The following SEMA4A variants were observed in gnomAD, a reference collection of about 807,000 sequenced individuals.
SEMA4A encodes the protein semaphorin 4A.
In SEMA4A, 52 loss-of-function variants were observed where a neutral mutation model predicts 72.5. That is an observed-to-expected ratio of 0.72 (90% confidence interval 0.57 to 0.90). The LOEUF is 0.90. Among genes scored for constraint, SEMA4A ranks in the 40% least tolerant of loss-of-function variants. SEMA4A has a pLI of 0.00. For synonymous variants in SEMA4A, 369 were observed against 393.1 expected (o/e 0.94, Z 0.73); for missense variants, 926 against 959.7 (o/e 0.96, Z 0.46).
Position 156,158,958 on chromosome 1 carries a change from T to C in SEMA4A, c.568+134T>C, listed in dbSNP as rs1231476562. 5 of 782,354 alleles carry C rather than the reference T, an allele frequency of 6.4e-6. No homozygotes were observed. The East Asian group carries it at 1.3e-4, about 21-fold the overall frequency. The allele number at this position is 782,354 out of a possible 1,614,324, so 48.5% of individuals were successfully genotyped here. On this transcript the variant is annotated intron_variant, in intron 6 of 14. Coordinates refer to ENST00000368285, the MANE Select transcript of SEMA4A (RefSeq NM_022367.4). ...GATGCGTGCATATGGTCCCAGTTAT[T>C]TGGAAGCTGAAGTTGAAGGATGCTT...
chr1:156,153,499 C>G (rs879542478), upstream of SEMA4A: 1 of 152,142 alleles, frequency 6.6e-6, no homozygotes, highest in Non-Finnish European at 1.5e-5. Flanking sequence ...CTTTTTATTC[C>G]CTCCCAATCC....
Position 156,161,681 on chromosome 1 carries a change from C to T in SEMA4A, c.983+163C>T, listed in dbSNP as rs149267221. The T allele has an allele frequency of 8.6e-4, 571 of 663,870 alleles. 5 individuals carry two copies. The African/African-American group carries it at 9.4e-3, about 11-fold the overall frequency. 41.1% of individuals were successfully genotyped at this position (663,870 alleles called of 1,614,324 possible). On this transcript the variant is annotated intron_variant, in intron 9 of 14. Transcript: ENST00000368285. ...CCACCTCTCAGGAATTTGACTCATG[C>T]CCTTTTTGTAAATGGGAAAAATAAG...
intron 10 of SEMA4A, among the ~76,000 whole-genome samples, chr1:156,169,854 G>A (rs1448072444): frequency 1.3e-5 from 2 of 151,430 alleles, no homozygotes; most frequent in Non-Finnish European, 2.9e-5. Flanking sequence ...GTGAAACCCC[G>A]TCTCTACTAA....
chr1:156,149,753 G>C (rs1210346718), upstream of SEMA4A: 1 of 152,316 alleles, frequency 6.6e-6, no homozygotes, highest in African/African-American at 2.4e-5. Context: ...CATGTGCACG[G>C]TGGTGCCTGC....
At position 156,157,145 on chromosome 1, in the gene SEMA4A, A is replaced by C. The variant is rs1653116191; in HGVS notation, c.300+571A>C. 6.6e-6 allele frequency among the ~76,000 whole-genome samples: 1 copy of C among 152,104 alleles called. No individual in the cohort carries two copies. Among genetic ancestry groups the C allele is most frequent in the South Asian group, 2.1e-4 (1 of 4,828 alleles). On this transcript the variant is annotated intron_variant, in intron 3 of 14. Coordinates refer to ENST00000368285, the MANE Select transcript of SEMA4A (RefSeq NM_022367.4). The surrounding 1 kb of genome is among the most constrained non-coding windows in gnomAD (Gnocchi z 4.5). ...GATAAACACTGACTCAAATTATATC[A>C]ATAATTTGATATCTACCCACTAGTA...
chr1:156,156,622 CCGGCAG>C, intron 3 of SEMA4A, 48 bp downstream of exon 3: 1 of 1,598,130 alleles, frequency 6.3e-7, no homozygotes, highest in Middle Eastern at 2.0e-4. Flanking sequence ...GAAGAGGGGG[CCGGCAG>C]CTACCCTGGG....
rs1447094477 is a variant in SEMA4A, at chr1:156,157,025, C to T, written c.300+451C>T. 6.6e-6 allele frequency among the ~76,000 whole-genome samples: 1 copy of T among 152,090 alleles called. No individual in the cohort carries two copies. Among genetic ancestry groups the T allele is most frequent in the African/African-American group, 2.4e-5 (1 of 41,416 alleles). On this transcript the variant is annotated intron_variant, in intron 3 of 14. Transcript: ENST00000368285. This position sits in a 1 kb window ranked among gnomAD's most constrained non-coding sequence, Gnocchi z 4.5. ...GGGATTACAGGCGTGAGCCACCGCA[C>T]CCGGCCTGTGACTTCACTCTTCACT...
At chr1:156,174,700 A>G in intron 11 of SEMA4A, 122 bp from the exon 12 acceptor site, 1 of 1,126,070 alleles carries the variant, frequency 8.9e-7, no homozygotes, top group Non-Finnish European at 1.3e-6. Flanking sequence ...GATCTGGCTG[A>G]CCCGCGCCCA....
chr1:156,147,999 C>T (rs2102914160), upstream of SEMA4A, among the ~76,000 whole-genome samples: 1 of 152,326 alleles, frequency 6.6e-6, no homozygotes, highest in Non-Finnish European at 1.5e-5. Context: ...TTTTGATTCT[C>T]ATATGGCAAG....
rs147293174 is a variant in SEMA4A at position 156,169,560 on chromosome 1, C to T, written c.1135-3266C>T. Among the ~76,000 whole-genome samples, 540 of 150,680 alleles carry T rather than the reference C, an allele frequency of 3.6e-3. 2 individuals carry two copies. Among genetic ancestry groups the T allele is most frequent in the African/African-American group, 0.013 (521 of 41,322 alleles). On this transcript the variant is annotated intron_variant, in intron 10 of 14. Coordinates refer to ENST00000368285, the MANE Select transcript of SEMA4A (RefSeq NM_022367.4). ...TCAGTCTCCGGAGTAGCTGGGACTA[C>T]AGGCGCCCGCCACCATGCCTGGCTA...
At position 156,162,996 on chromosome 1, in the gene SEMA4A, A is replaced by G. The variant is rs1325322725; in HGVS notation, c.1036A>G (p.Ile346Val). 15 of 1,614,024 alleles carry G rather than the reference A, an allele frequency of 9.3e-6. No homozygotes were observed. Among genetic ancestry groups the G allele is most frequent in the South Asian group, 4.4e-5 (4 of 91,086 alleles). The change falls in exon 10 of 15, where the codon ATT becomes GTT. Residue 346 changes from isoleucine to valine, a missense_variant. Transcript: ENST00000368285. The stretch of plus-strand genomic sequence containing the variant: ...GGTTTGTGCCTTCTCTCTCTTGGAC[A>G]TTGAACGTGTCTTTAAGGGGAAATA... ...SAVCAFSLLD[I>V]ERVFKGKYKE...
At position 156,154,674 on chromosome 1, in the gene SEMA4A, G is replaced by A. The variant is rs764178085; in HGVS notation, c.96G>A (p.Gly32=). 7.0e-5 allele frequency: 112 copies of A among 1,600,132 alleles called. No homozygotes were observed. The highest frequency in any genetic ancestry group is 9.0e-5 in the Non-Finnish European group (106 of 1,174,006). The change falls in exon 2 of 15, where the codon GGG becomes GGA. Residue 32 remains glycine (G), a synonymous_variant. Coordinates refer to ENST00000368285, the MANE Select transcript of SEMA4A (RefSeq NM_022367.4). The stretch of plus-strand genomic sequence containing the variant: ...TGCTGCTGCCGACGACGACCGCGGG[G>A]GGAGGCGGGCAGGGGCCCATGCCCA... The part of the protein sequence containing the change: ...LQLLLPTTTA[G]GGGQGPMPRV...
rs756847201 is a variant in SEMA4A at position 156,176,683 on chromosome 1, C to G, written c.1972C>G (p.Arg658Gly). 1 of 1,614,154 alleles carries G rather than the reference C, an allele frequency of 6.2e-7. No individual in the cohort carries two copies. Among genetic ancestry groups the G allele is most frequent in the Non-Finnish European group, 8.5e-7 (1 of 1,179,996 alleles). ...GGATCCTGAACTGGCAGGCATCCCCCGGGAGCATGTGAAGGTCCCGTTGAC... is the reference window on the plus strand; with the variant it reads ...GGATCCTGAACTGGCAGGCATCCCCGGGGAGCATGTGAAGGTCCCGTTGAC... ...ALDPELAGIP[R>G]EHVKVPLTRV... Residue 658 changes from arginine to glycine, a missense_variant, in exon 15 of 15, where the codon CGG (arginine) becomes GGG (glycine). Physicochemically the swap from Arg to Gly is moderately radical, Grantham distance 125 (BLOSUM62 -2). Transcript: ENST00000368285.
At position 156,156,562 on chromosome 1, in the gene SEMA4A, G is replaced by T; in HGVS notation, c.288G>T (p.Arg96Ser). Reference protein sequence around the residue: ...ALDIQDPGVPRLKNMIPWPAS... With the variant: ...ALDIQDPGVPSLKNMIPWPAS... ...ATATCCAGGATCCAGGGGTCCCCAG[G>T]CTAAAGAACATGGTGAGGAGTCCAG... is the stretch of plus-strand genomic sequence containing the variant. The change falls in exon 3 of 15, where the codon AGG (arginine) becomes AGT (serine). Residue 96 changes from arginine to serine, a missense_variant. By Grantham distance (110) the Arg-to-Ser change is moderately radical. Coordinates refer to ENST00000368285, the MANE Select transcript of SEMA4A (RefSeq NM_022367.4). 1 of 1,613,960 alleles carries T rather than the reference G, an allele frequency of 6.2e-7. No individual in the cohort carries two copies. Among genetic ancestry groups the T allele is most frequent in the Non-Finnish European group, 8.5e-7 (1 of 1,179,956 alleles).
upstream of SEMA4A, among the ~76,000 whole-genome samples, chr1:156,152,752 C>A (rs979006644): frequency 6.6e-6 from 1 of 152,154 alleles, no homozygotes; most frequent in African/African-American, 2.4e-5. Flanking sequence ...GGAAGTTACA[C>A]TACAGGAAGG....
chr1:156,168,167 A>C (rs372250002), intron 10 of SEMA4A, among the ~76,000 whole-genome samples: 8 of 149,902 alleles, frequency 5.3e-5, no homozygotes, highest in African/African-American at 7.4e-5. Flanking sequence ...CAGGTGATCC[A>C]CCCGCCTCGG....
At chr1:156,161,250 T>TG in intron 8 of SEMA4A, 96 bp from the exon 9 acceptor site, 2 of 597,202 alleles carry the variant, frequency 3.3e-6, no homozygotes, top group Non-Finnish European at 2.5e-6. Flanking sequence ...TGGCGGGGAC[T>TG]GGGGGGACAC....
At chr1:156,161,257 A>C in intron 8 of SEMA4A, 89 bp from the exon 9 acceptor site, 1 of 555,868 alleles carries the variant, frequency 1.8e-6, no homozygotes. Flanking sequence ...GACTGGGGGG[A>C]CACGCCGAGC....
At position 156,176,867 on chromosome 1, in the gene SEMA4A, G is replaced by A. The variant is rs1419253351; in HGVS notation, c.2156G>A (p.Cys719Tyr). 3 of 1,614,126 alleles carry A rather than the reference G, an allele frequency of 1.9e-6. No homozygotes were observed. The highest frequency in any genetic ancestry group is 2.7e-5 in the African/African-American group (2 of 74,934). The change falls in exon 15 of 15, where the codon TGT becomes TAT. Residue 719 changes from cysteine to tyrosine, a missense_variant. Physicochemically the swap from Cys to Tyr is radical, Grantham distance 194. Transcript: ENST00000368285. ...CGGGCTCGGGGCAAGGTTCAGGGCT[G>A]TGAGACCCTGCGCCCTGGGGAGAAG... is the stretch of plus-strand genomic sequence containing the variant. ...ALRARGKVQG[C>Y]ETLRPGEKAP...
Sources: gnomAD v4.1 joint callset for allele counts (sites outside exome capture counted in the v4.1 genomes callset) on GRCh38, gnomAD v4.1.1 for gene constraint, Gnocchi (gnomAD v3.1) non-coding constraint, MANE v1.5 for transcripts, NCBI Gene and HGNC (gene_info 2026-07-23, HGNC 2026-07-21) for gene names.